GNA12: variants seen among roughly 807,000 people sequenced by gnomAD.
GNA12 encodes the protein guanine nucleotide-binding protein subunit alpha-12.
GNA12 carries 9 observed loss-of-function variants against 26.0 expected under a neutral mutation model. The observed-to-expected ratio is 0.35, with a 90% CI of 0.21 to 0.60. The LOEUF (loss-of-function observed/expected upper bound fraction) is 0.60, where lower values mean the gene tolerates loss of function less well. Among genes scored for constraint, GNA12 ranks in the 20% least tolerant of loss-of-function variants. The pLI is 0.78. For missense variants in GNA12, 405 were observed against 525.8 expected (o/e 0.77, Z 2.25); for synonymous variants, 264 against 219.6 (o/e 1.20, Z -1.79).
chr7:2,751,411 A>AC (rs907036367), intron 2 of GNA12, among the ~76,000 whole-genome samples: 22 of 151,802 alleles, frequency 1.4e-4, no homozygotes, highest in African/African-American at 4.8e-4. Context: ...AAAAAAAAAA[A>AC]AACAGCTTAT....
intron 1 of GNA12, among the ~76,000 whole-genome samples, chr7:2,815,631 C>T (rs1283819544): frequency 2.0e-5 from 3 of 152,240 alleles, no homozygotes; most frequent in Non-Finnish European, 1.5e-5. Flanking sequence ...TTGCCCATTT[C>T]TTTTCAGAAA....
chr7:2,842,253 G>C (rs1029956475), intron 1 of GNA12, among the ~76,000 whole-genome samples: 9 of 152,108 alleles, frequency 5.9e-5, no homozygotes, highest in African/African-American at 2.2e-4. Context: ...TCTTCCTTGA[G>C]GCCCTTTAAC....
chr7:2,765,549 T>G lies in GNA12; in HGVS notation c.525+29379A>C, dbSNP rs148246224. Among the ~76,000 whole-genome samples the G allele has an allele frequency of 1.8e-3, 272 of 152,098 alleles. 3 individuals are homozygous for G. Among genetic ancestry groups the G allele is most frequent in the African/African-American group, 6.1e-3 (254 of 41,514 alleles). ...GAGCTTCACTTCCTAATCCTGTGAC[T>G]CCAACATTCAATTAAAGGTAAAGAA... On this transcript the variant is annotated intron_variant, in intron 2 of 3. Coordinates refer to ENST00000275364, the MANE Select transcript of GNA12 (RefSeq NM_007353.3).
At chr7:2,821,636 A>T (rs1180395648) in intron 1 of GNA12, among the ~76,000 whole-genome samples, 2 of 152,110 alleles carry the variant, frequency 1.3e-5, no homozygotes, top group Non-Finnish European at 2.9e-5. Context: ...CAGTTATTCT[A>T]TTTTCTCAGC....
chr7:2,741,606 T>C (rs534777766), intron 2 of GNA12, among the ~76,000 whole-genome samples: 21 of 152,278 alleles, frequency 1.4e-4, no homozygotes, highest in South Asian at 1.2e-3. Flanking sequence ...GTTGCAAGAA[T>C]AGTACAAAGA....
At chr7:2,794,690 G>A (rs911498700) in intron 2 of GNA12, 20 of 544,866 alleles carry the variant, frequency 3.7e-5, no homozygotes, top group East Asian at 6.3e-5. Context: ...AGAACCCTCC[G>A]TATTCCCAGA....
intron 1 of GNA12, among the ~76,000 whole-genome samples, chr7:2,802,966 GC>G (rs1792848812): frequency 6.6e-6 from 1 of 152,162 alleles, no homozygotes; most frequent in Non-Finnish European, 1.5e-5. Flanking sequence ...CCGCGGATTT[GC>G]CTTCCGCAAC....
At chr7:2,827,819 C>T (rs559573533) in intron 1 of GNA12, among the ~76,000 whole-genome samples, 8 of 152,132 alleles carry the variant, frequency 5.3e-5, no homozygotes, top group Non-Finnish European at 1.0e-4. Flanking sequence ...AAAAACATCG[C>T]GCAAATTTTT....
chr7:2,779,532 A>C (rs1792169014), intron 2 of GNA12, among the ~76,000 whole-genome samples: 3 of 152,098 alleles, frequency 2.0e-5, no homozygotes, highest in Admixed American at 2.0e-4. Flanking sequence ...TGTCACAGTA[A>C]TTTTTATAAT....
chr7:2,806,861 C>A (rs1297775497), intron 1 of GNA12, among the ~76,000 whole-genome samples: 1 of 152,096 alleles, frequency 6.6e-6, no homozygotes, highest in Admixed American at 6.6e-5. Context: ...CTTGATACAT[C>A]CCTATTTTCA....
At chr7:2,780,607 T>A (rs139592546) in intron 2 of GNA12, among the ~76,000 whole-genome samples, 71 of 152,304 alleles carry the variant, frequency 4.7e-4, no homozygotes, top group African/African-American at 1.6e-3. Flanking sequence ...GAATTCTCAA[T>A]GTAATCACAC....
intron 2 of GNA12, among the ~76,000 whole-genome samples, chr7:2,773,632 G>C (rs540472488): frequency 3.9e-5 from 6 of 152,182 alleles, no homozygotes; most frequent in Non-Finnish European, 8.8e-5. Context: ...ATTTGAAAAA[G>C]AGGACAAGCA....
chr7:2,795,350 T>C (rs1792632266), intron 1 of GNA12, among the ~76,000 whole-genome samples: 1 of 151,944 alleles, frequency 6.6e-6, no homozygotes, highest in Non-Finnish European at 1.5e-5. Context: ...CAGACGCACA[T>C]GGCCGAGAGC....
chr7:2,764,397 T>C (rs916078169), intron 2 of GNA12, among the ~76,000 whole-genome samples: 1 of 152,132 alleles, frequency 6.6e-6, no homozygotes, highest in Non-Finnish European at 1.5e-5. Context: ...TGGTTTATTA[T>C]TCACACAGAA....
chr7:2,843,663 G>T (rs1779072031), intron 1 of GNA12, among the ~76,000 whole-genome samples, 190 bp downstream of exon 1: 1 of 151,518 alleles, frequency 6.6e-6, no homozygotes, highest in Admixed American at 6.6e-5. Flanking sequence ...GGCGAGACGG[G>T]GTGGGGCAGA....
chr7:2,781,314 A>G (rs1041528754), intron 2 of GNA12, among the ~76,000 whole-genome samples: 6 of 152,106 alleles, frequency 3.9e-5, no homozygotes, highest in Non-Finnish European at 7.4e-5. Context: ...ATTCTCTCAT[A>G]TATATGTGTA....
chr7:2,837,192 C>T (rs1778862041), intron 1 of GNA12, among the ~76,000 whole-genome samples: 1 of 113,970 alleles, frequency 8.8e-6, no homozygotes, highest in Non-Finnish European at 1.7e-5. Flanking sequence ...ACCCCCACCA[C>T]GAGGCAGAAA....
At chr7:2,746,019 G>C (rs548615261) in intron 2 of GNA12, among the ~76,000 whole-genome samples, 1 of 152,110 alleles carries the variant, frequency 6.6e-6, no homozygotes, top group Non-Finnish European at 1.5e-5. Context: ...GATTCATAAA[G>C]CAAGTCCTGA....
chr7:2,807,219 A>G (rs1374417232), intron 1 of GNA12, among the ~76,000 whole-genome samples: 1 of 152,230 alleles, frequency 6.6e-6, no homozygotes, highest in Non-Finnish European at 1.5e-5. Flanking sequence ...AAAAAATGGA[A>G]TAGACATTTG....
Sources: allele counts gnomAD v4.1 joint callset (sites outside exome capture counted in the v4.1 genomes callset), GRCh38; gene constraint gnomAD v4.1.1; transcripts MANE v1.5; gene names NCBI Gene and HGNC (gene_info 2026-07-23, HGNC 2026-07-21).